Variants in EMC8 observed in about 807,000 individuals in gnomAD.
EMC8 encodes the protein COX4 neighbor.
A neutral mutation model predicts 24.3 loss-of-function variants in EMC8; 11 were observed. The observed-to-expected ratio is 0.45, with a 90% CI of 0.28 to 0.75. The LOEUF is 0.75. Ranked by LOEUF, EMC8 falls within the 30% of genes least tolerant of loss-of-function variation. The pLI is 0.12. For synonymous variants in EMC8, 145 were observed against 117.7 expected, an observed-to-expected ratio of 1.23 and a Z score of -1.50; for missense variants, 277 against 282.7, an observed-to-expected ratio of 0.98 and a Z score of 0.14.
chr16:85,795,564 TC>T (rs1355940022), intron 1 of EMC8, among the ~76,000 whole-genome samples: 3 of 151,510 alleles, frequency 2.0e-5, no homozygotes, highest in Non-Finnish European at 4.4e-5. Flanking sequence ...CAGGAGAGGG[TC>T]CCCCCTAGAC....
Position 85,799,298 on chromosome 16 carries a change from T to A in EMC8, c.-3A>T. ...GTGGTCAGTTTCACCCCGGGCATGC[T>A]GACCCGGGAGGGCCCCGGAGGCCCC... On this transcript the variant is annotated 5_prime_UTR_variant, in exon 1 of 5. Coordinates refer to ENST00000253457, the MANE Select transcript of EMC8 (RefSeq NM_006067.5). This position sits in a 1 kb window ranked among gnomAD's most constrained non-coding sequence, Gnocchi z 4.2. 1 of 1,593,890 alleles carries A rather than the reference T, an allele frequency of 6.3e-7. No individual in the cohort carries two copies. The highest frequency in any genetic ancestry group is 1.1e-5 in the South Asian group (1 of 89,952).
At chr16:85,785,553 G>T (rs1198898295) in intron 2 of EMC8, among the ~76,000 whole-genome samples, 1 of 152,140 alleles carries the variant, frequency 6.6e-6, no homozygotes, top group African/African-American at 2.4e-5. Flanking sequence ...CTGGGTGACA[G>T]AGTGAGACTC....
chr16:85,791,482 T>C (rs1044942454), intron 1 of EMC8, among the ~76,000 whole-genome samples: 13 of 152,224 alleles, frequency 8.5e-5, no homozygotes, highest in African/African-American at 2.7e-4. Context: ...TCCCCGGCTC[T>C]GACAGGCGCT....
At position 85,779,753 on chromosome 16, in the gene EMC8, G is replaced by C. The variant is rs751123694; in HGVS notation, c.588C>G (p.Asp196Glu). 2 of 1,614,240 alleles carry C rather than the reference G, an allele frequency of 1.2e-6. No homozygotes were observed. Among genetic ancestry groups the C allele is most frequent in the Non-Finnish European group, 1.7e-6 (2 of 1,180,034 alleles). Reference sequence around the variant, plus strand: ...CTTTATTGATCTCTGGGTTTGTCCAGTCATTCCGAATGTCATCCAGGTGGT... The same window carrying C: ...CTTTATTGATCTCTGGGTTTGTCCACTCATTCCGAATGTCATCCAGGTGGT... The part of the protein sequence containing the change: ...FDNHLDDIRN[D>E]WTNPEINKAV... Residue 196 changes from aspartate to glutamate, a missense_variant, in exon 5 of 5, where the codon GAC becomes GAG. By Grantham distance (45) the Asp-to-Glu change is conservative (BLOSUM62 2). Coordinates refer to ENST00000253457, the MANE Select transcript of EMC8 (RefSeq NM_006067.5).
Position 85,785,585 on chromosome 16 carries a change from G to A in EMC8, c.308+3389C>T, listed in dbSNP as rs532248806. ...ACTCTGTCTGCTCTGCCACCGCCCC[G>A]CCAAAAAAAAAATGTGTAGTTAATG... On this transcript the variant is annotated intron_variant, in intron 2 of 4. Coordinates refer to ENST00000253457, the MANE Select transcript of EMC8 (RefSeq NM_006067.5). 5.3e-5 allele frequency among the ~76,000 whole-genome samples: 8 copies of A among 151,070 alleles called. No homozygotes were observed. In the East Asian group the frequency reaches 9.7e-4, roughly 18 times the overall value.
At chr16:85,789,499 C>T (rs780876021) in intron 1 of EMC8, among the ~76,000 whole-genome samples, 1 of 152,090 alleles carries the variant, frequency 6.6e-6, no homozygotes, top group Non-Finnish European at 1.5e-5. Flanking sequence ...TCTTTCAAAA[C>T]AAGTCTTTTA....
chr16:85,785,370 G>C (rs1253791441), intron 2 of EMC8, among the ~76,000 whole-genome samples: 1 of 152,140 alleles, frequency 6.6e-6, no homozygotes, highest in Non-Finnish European at 1.5e-5. Flanking sequence ...AGCAGTTCGA[G>C]ACCAGCCTGG....
intron 2 of EMC8, among the ~76,000 whole-genome samples, chr16:85,786,544 A>G (rs968440252): frequency 1.3e-5 from 2 of 152,182 alleles, no homozygotes; most frequent in African/African-American, 4.8e-5. Flanking sequence ...TGTCCTCCTC[A>G]AACAACTGGG....
chr16:85,783,995 C>T (rs1399316993), intron 2 of EMC8, among the ~76,000 whole-genome samples: 1 of 152,162 alleles, frequency 6.6e-6, no homozygotes, highest in Non-Finnish European at 1.5e-5. Context: ...AGCCATCCAT[C>T]TTTCTTTTTT....
At chr16:85,790,949 C>G (rs1904980299) in intron 1 of EMC8, among the ~76,000 whole-genome samples, 1 of 152,148 alleles carries the variant, frequency 6.6e-6, no homozygotes, top group Non-Finnish European at 1.5e-5. Context: ...ACCTCAGCCT[C>G]CTGAGTAGCT....
chr16:85,796,661 TC>T (rs1418475874), intron 1 of EMC8, among the ~76,000 whole-genome samples: 19 of 151,862 alleles, frequency 1.3e-4, no homozygotes, highest in Admixed American at 6.6e-5. Context: ...CTCTCCAAAC[TC>T]CCCCACTCGC....
chr16:85,779,871 C>G lies in EMC8; in HGVS notation c.474-4G>C, dbSNP rs748528065. ...TGGCCAGTCTTCACAGTAGTCACTACGGGTCAAACATGAAGAAGTCAGCAT... is the reference window on the plus strand; with the variant it reads ...TGGCCAGTCTTCACAGTAGTCACTAGGGGTCAAACATGAAGAAGTCAGCAT... On this transcript the variant is annotated splice_polypyrimidine_tract_variant and splice_region_variant and intron_variant, in intron 4 of 4. Coordinates refer to ENST00000253457, the MANE Select transcript of EMC8 (RefSeq NM_006067.5). 1.2e-6 allele frequency: 2 copies of G among 1,613,652 alleles called. No homozygotes were observed. The highest frequency in any genetic ancestry group is 2.2e-5 in the South Asian group (2 of 91,056).
intron 1 of EMC8, among the ~76,000 whole-genome samples, chr16:85,792,006 G>C (rs940761506): frequency 6.6e-6 from 1 of 152,174 alleles, no homozygotes; most frequent in African/African-American, 2.4e-5. Flanking sequence ...AAAAACCATA[G>C]GACATATTTT....
At chr16:85,793,541 G>T (rs1476486958) in intron 1 of EMC8, among the ~76,000 whole-genome samples, 4 of 152,170 alleles carry the variant, frequency 2.6e-5, no homozygotes, top group Non-Finnish European at 4.4e-5. Flanking sequence ...CATCCCCAAG[G>T]TGGCACGTGA....
intron 2 of EMC8, among the ~76,000 whole-genome samples, chr16:85,787,772 C>G (rs1284000977): frequency 1.3e-5 from 2 of 152,228 alleles, no homozygotes; most frequent in East Asian, 1.9e-4. Flanking sequence ...AGTGCAGCAT[C>G]TCCTAGGACA....
intron 2 of EMC8, among the ~76,000 whole-genome samples, chr16:85,787,260 G>A (rs1237537539): frequency 6.6e-6 from 1 of 152,122 alleles, no homozygotes; most frequent in African/African-American, 2.4e-5. Flanking sequence ...TGGTCTCCAC[G>A]TCTGCACTTG....
intron 2 of EMC8, chr16:85,784,498 G>A (rs1429318919): frequency 6.6e-6 from 1 of 152,172 alleles, no homozygotes; most frequent in African/African-American, 2.4e-5. Context: ...TAAATCTGCA[G>A]TATTAAGAAA....
chr16:85,795,924 G>T (rs919896324), intron 1 of EMC8, among the ~76,000 whole-genome samples: 1 of 152,130 alleles, frequency 6.6e-6, no homozygotes, highest in Non-Finnish European at 1.5e-5. Context: ...GGTGGCCGCT[G>T]CTTGGTGTGT....
chr16:85,789,837 A>T (rs1904924619), intron 1 of EMC8, among the ~76,000 whole-genome samples: 1 of 151,578 alleles, frequency 6.6e-6, no homozygotes, highest in Admixed American at 6.6e-5. Flanking sequence ...CCATCTCAGC[A>T]TTCTAAGCAC....
Sources: gnomAD v4.1 joint callset for allele counts (sites outside exome capture counted in the v4.1 genomes callset) on GRCh38, gnomAD v4.1.1 for gene constraint, Gnocchi (gnomAD v3.1) non-coding constraint, MANE v1.5 for transcripts, NCBI Gene and HGNC (gene_info 2026-07-23, HGNC 2026-07-21) for gene names.